Variants in PRAMEF1 observed in about 807,000 individuals in gnomAD.
PRAMEF1 encodes the protein PRAME family member 1.
Under a neutral mutation model 38.2 loss-of-function variants are expected in PRAMEF1, and 21 were observed. That is an observed-to-expected ratio of 0.55 (90% CI 0.39 to 0.79). The LOEUF (loss-of-function observed/expected upper bound fraction) is 0.79, where lower values mean the gene tolerates loss of function less well. Among genes scored for constraint, PRAMEF1 ranks in the 30% least tolerant of loss-of-function variants. The probability of loss-of-function intolerance (pLI) is 0.00; values close to 1 mark genes in which losing one functional copy is unlikely to be tolerated. For synonymous variants in PRAMEF1, 200 were observed against 229.0 expected, an observed-to-expected ratio of 0.87 and a Z score of 1.14; for missense variants, 497 against 565.8, an observed-to-expected ratio of 0.88 and a Z score of 1.23.
chr1:12,794,962 C>T (rs1423506214), intron 3 of PRAMEF1: 1 of 1,322,074 alleles, frequency 7.6e-7, no homozygotes, highest in African/African-American at 1.5e-5. Context: ...TTTTGAACTC[C>T]AGGAAAGGTA....
chr1:12,793,103 C>T, intron 1 of PRAMEF1, 100 bp from the exon 2 acceptor site: 1 of 1,465,984 alleles, frequency 6.8e-7, no homozygotes, highest in Non-Finnish European at 9.3e-7. Context: ...CATGACCCCT[C>T]CCTCCTTGGT....
chr1:12,794,944 A>G, intron 3 of PRAMEF1: 1 of 1,323,388 alleles, frequency 7.6e-7, no homozygotes, highest in Non-Finnish European at 1.0e-6. Flanking sequence ...CCTGTTTGTA[A>G]AAGGTTGTTT....
Position 12,796,115 on chromosome 1 carries a change from T to C in PRAMEF1, c.*119T>C, listed in dbSNP as rs1465884052. ...TTTTCTTATTTATTTCATTTTTTAA[T>C]AATTCCAAAATTTTTATTAAAGACA... On this transcript the variant is annotated 3_prime_UTR_variant, in exon 4 of 4. Transcript: ENST00000332296. The C allele has an allele frequency of 7.4e-7, 1 of 1,343,816 alleles. No homozygotes were observed. The highest frequency in any genetic ancestry group is 9.9e-7 in the Non-Finnish European group (1 of 1,007,250). The allele number at this position is 1,343,816 out of a possible 1,614,324, so 83.2% of individuals were successfully genotyped here.
At chr1:12,794,643 T>A in intron 3 of PRAMEF1, 150 bp downstream of exon 3, 1 of 1,513,364 alleles carries the variant, frequency 6.6e-7, no homozygotes, top group Non-Finnish European at 8.9e-7. Context: ...CCATTCAGTG[T>A]TCCATGTCCT....
chr1:12,794,062 G>T lies in PRAMEF1; in HGVS notation c.435G>T (p.Gln145His). The T allele has an allele frequency of 6.2e-7, 1 of 1,609,202 alleles. No individual in the cohort carries two copies. Among genetic ancestry groups the T allele is most frequent in the Non-Finnish European group, 8.5e-7 (1 of 1,178,472 alleles). The stretch of plus-strand genomic sequence containing the variant: ...ACTGTCCAAGGATGGGAGAGCACCA[G>T]CCCTTAAAGGTGTTCATAGACATCT... ...AEDCPRMGEH[Q>H]PLKVFIDICL... Residue 145 changes from glutamine (Q) to histidine (H), a missense_variant, in exon 3 of 4, where the codon CAG becomes CAT. By Grantham distance (24) the Gln-to-His change is conservative. Coordinates refer to ENST00000332296, the MANE Select transcript of PRAMEF1 (RefSeq NM_023013.4).
rs543831335 is a variant in PRAMEF1 at position 12,793,172 on chromosome 1, G to C, written c.-25-31G>C. 3.1e-6 allele frequency: 5 copies of C among 1,601,926 alleles called. 1 individual carries two copies. The Admixed American group carries it at 8.4e-5, about 27-fold the overall frequency. ...GCAGATGATTGTCTTTGCCCTGAGA[G>C]TGACACATTTTCCCTGGATTTGTCT... On this transcript the variant is annotated intron_variant, in intron 1 of 3. Transcript: ENST00000332296.
rs751958956 is a variant in PRAMEF1 at position 12,793,955 on chromosome 1, G to A, written c.328G>A (p.Glu110Lys). The change falls in exon 3 of 4, where the codon GAG (glutamate) becomes AAG (lysine). Residue 110 changes from glutamate to lysine, a missense_variant. Transcript: ENST00000332296. ...AGTGCTGGATTTGCGGGATGTTGACGAGAATTTCTGGGCCAGATGGCCTGG... is the reference window on the plus strand; with the variant it reads ...AGTGCTGGATTTGCGGGATGTTGACAAGAATTTCTGGGCCAGATGGCCTGG... ...LQVLDLRDVD[E>K]NFWARWPGAW... 8 of 1,609,012 alleles carry A rather than the reference G, an allele frequency of 5.0e-6. No homozygotes were observed. The Admixed American group carries it at 5.0e-5, about 10-fold the overall frequency.
At position 12,795,517 on chromosome 1, in the gene PRAMEF1, T is replaced by G; in HGVS notation, c.946T>G (p.Tyr316Asp). The G allele has an allele frequency of 1.2e-6, 2 of 1,612,488 alleles. No homozygotes were observed. The highest frequency in any genetic ancestry group is 1.7e-6 in the Non-Finnish European group (2 of 1,179,326). Residue 316 changes from tyrosine (Y) to aspartate (D), a missense_variant, in exon 4 of 4, where the codon TAC becomes GAC. By Grantham distance (160) the Tyr-to-Asp change is radical (BLOSUM62 -3). Coordinates refer to ENST00000332296, the MANE Select transcript of PRAMEF1 (RefSeq NM_023013.4). ...AGAAGACATGAAGTGTCTCTCCCAGTACCCAAGCCTCGGTTACCTAAAGCA... is the reference window on the plus strand; with the variant it reads ...AGAAGACATGAAGTGTCTCTCCCAGGACCCAAGCCTCGGTTACCTAAAGCA... ...LEEDMKCLSQYPSLGYLKHLN... is the reference protein window; with the variant it reads ...LEEDMKCLSQDPSLGYLKHLN...
rs756318165 is a variant in PRAMEF1, at chr1:12,795,796, C to T, written c.1225C>T (p.Leu409=). ...RHTSGLSKLS[L]ETYPAPEESL... ...CACCAGTGGGCTGAGCAAGTTAAGC[C>T]TGGAGACGTATCCTGCCCCTGAGGA... The change falls in exon 4 of 4, where the codon CTG becomes TTG. Residue 409 remains leucine (L), a synonymous_variant. Transcript: ENST00000332296. The T allele has an allele frequency of 6.2e-6, 10 of 1,610,756 alleles. No homozygotes were observed. The African/African-American group carries it at 1.3e-4, about 22-fold the overall frequency.
In PRAMEF1 at chr1:12,794,593, C is replaced by T. The variant is rs547960004; in HGVS notation, c.866+100C>T. The T allele has an allele frequency of 5.9e-5, 90 of 1,527,312 alleles. 2 individuals are homozygous for T. Among genetic ancestry groups the T allele is most frequent in the South Asian group, 1.3e-4 (11 of 82,156 alleles). The allele number at this position is 1,527,312 out of a possible 1,614,324, so 94.6% of individuals were successfully genotyped here. A position where few individuals can be genotyped will look rare whatever the true frequency, so the allele number is the denominator to read the frequency against. On this transcript the variant is annotated intron_variant, in intron 3 of 3. Transcript: ENST00000332296. Reference sequence around the variant, plus strand: ...TGTACTGTGTGCCAGCCAGTGGCAACGTCACAGTGAAGGGGACATCAGAAT... The same window carrying T: ...TGTACTGTGTGCCAGCCAGTGGCAATGTCACAGTGAAGGGGACATCAGAAT...
rs1445484307 is a variant in PRAMEF1, at chr1:12,795,486, A to G, written c.915A>G (p.Leu305=). Residue 305 remains leucine (L), a synonymous_variant, in exon 4 of 4, where the codon CTA becomes CTG. Transcript: ENST00000332296. The stretch of plus-strand genomic sequence containing the variant: ...ACTTGGAATTAACTTATGGCTACCT[A>G]TTGGAAGAAGACATGAAGTGTCTCT... The part of the protein sequence containing the change: ...LENLELTYGY[L]LEEDMKCLSQ... The G allele has an allele frequency of 2.5e-6, 4 of 1,612,306 alleles. No individual in the cohort carries two copies. The highest frequency in any genetic ancestry group is 2.2e-5 in the East Asian group (1 of 44,800).
chr1:12,791,941 G>C (rs1325149719), intron 1 of PRAMEF1, among the ~76,000 whole-genome samples: 1 of 151,108 alleles, frequency 6.6e-6, no homozygotes, highest in African/African-American at 2.4e-5. Flanking sequence ...GTAATTGTGA[G>C]TATGTGGAAG....
At position 12,795,707 on chromosome 1, in the gene PRAMEF1, T is replaced by A. The variant is rs748850044; in HGVS notation, c.1136T>A (p.Leu379His). Residue 379 changes from leucine to histidine, a missense_variant, in exon 4 of 4, where the codon CTC becomes CAC. Coordinates refer to ENST00000332296, the MANE Select transcript of PRAMEF1 (RefSeq NM_023013.4). ...CCTGGCCTGAGCCGCTGCTCCCAGC[T>A]CACCACCTTCTACTTTGGCAGAAAT... ...ILPGLSRCSQ[L>H]TTFYFGRNCM... 9 of 1,611,522 alleles carry A rather than the reference T, an allele frequency of 5.6e-6. No individual in the cohort carries two copies. In the East Asian group the frequency reaches 2.0e-4, roughly 36 times the overall value.
chr1:12,793,836 A>C, intron 2 of PRAMEF1, 79 bp from the exon 3 acceptor site: 1 of 1,412,624 alleles, frequency 7.1e-7, no homozygotes, highest in South Asian at 1.3e-5. Context: ...GGAGCAGCTG[A>C]TTTATGGGAT....
rs752214296 is a variant in PRAMEF1 at position 12,793,330 on chromosome 1, C to A, written c.103C>A (p.Leu35Ile). Reference protein sequence around the residue: ...ISAMEELPRVLYLPLFMEAFS... With the variant: ...ISAMEELPRVIYLPLFMEAFS... ...TGCCATGGAGGAGCTGCCCAGGGTGCTCTATCTCCCACTCTTCATGGAGGC... is the reference window on the plus strand; with the variant it reads ...TGCCATGGAGGAGCTGCCCAGGGTGATCTATCTCCCACTCTTCATGGAGGC... Residue 35 changes from leucine (L) to isoleucine (I), a missense_variant, in exon 2 of 4, where the codon CTC becomes ATC. Transcript: ENST00000332296. 1 of 1,609,192 alleles carries A rather than the reference C, an allele frequency of 6.2e-7. No individual in the cohort carries two copies. Among genetic ancestry groups the A allele is most frequent in the South Asian group, 1.1e-5 (1 of 90,430 alleles).
chr1:12,791,882 G>C (rs61775046), intron 1 of PRAMEF1, among the ~76,000 whole-genome samples: 4,811 of 150,954 alleles, frequency 0.032, 223 homozygotes, highest in Middle Eastern at 0.093. Context: ...GTGCAGTTTT[G>C]CTCAGATCAT....
chr1:12,796,389 T>G lies in PRAMEF1; in HGVS notation c.*393T>G. 1 of 248,284 alleles carries G rather than the reference T, an allele frequency of 4.0e-6. No homozygotes were observed. 15.4% of individuals were successfully genotyped at this position (248,284 alleles called of 1,614,324 possible). ...AACTTCAGGGACCCGTGTCCTAGAG[T>G]CGGAAAGAGAAGCTAAAGTTCTACA... On this transcript the variant is annotated 3_prime_UTR_variant, in exon 4 of 4. Transcript: ENST00000332296.
chr1:12,793,064 T>C (rs895860758), intron 1 of PRAMEF1, 139 bp from the exon 2 acceptor site: 1 of 1,176,148 alleles, frequency 8.5e-7, no homozygotes, highest in African/African-American at 1.5e-5. Context: ...AGTGGAGCAA[T>C]GGAAGAAAAT....
In PRAMEF1 at chr1:12,793,377, G is replaced by A; in HGVS notation, c.150G>A (p.Gln50=). ...FMEAFSRRHF[Q]TLTVMVQAWP... is the part of the protein sequence containing the mutation. ...AGGCCTTCAGCAGGAGACACTTCCA[G>A]ACTCTGACGGTGATGGTTCAGGCCT... Residue 50 remains glutamine, a synonymous_variant, in exon 2 of 4, where the codon CAG becomes CAA. Transcript: ENST00000332296. 6.2e-7 allele frequency: 1 copy of A among 1,610,044 alleles called. No individual in the cohort carries two copies. Among genetic ancestry groups the A allele is most frequent in the Admixed American group, 1.7e-5 (1 of 59,696 alleles).
Sources: allele counts gnomAD v4.1 joint callset (sites outside exome capture counted in the v4.1 genomes callset), GRCh38; gene constraint gnomAD v4.1.1; transcripts MANE v1.5; gene names NCBI Gene and HGNC (gene_info 2026-07-23, HGNC 2026-07-21).